Variants in GABRR2 observed in about 807,000 individuals in gnomAD.
The protein encoded by GABRR2 is gamma-aminobutyric acid receptor subunit rho-2.
In GABRR2, 36 loss-of-function variants were observed where a neutral mutation model predicts 47.0. The ratio of observed to expected loss-of-function variants is 0.77; its 90% CI spans 0.59 to 1.01. The LOEUF is 1.01. GABRR2 is among the 50% of genes least tolerant of loss of function. GABRR2 has a pLI of 0.00. For synonymous variants in GABRR2, 204 were observed against 227.5 expected (o/e 0.90, Z 0.93); for missense variants, 587 against 594.6 (o/e 0.99, Z 0.13).
chr6:89,292,772 T>TATATACG (rs1562379616), intron 2 of GABRR2, among the ~76,000 whole-genome samples: 3 of 42,966 alleles, frequency 7.0e-5, no homozygotes, highest in African/African-American at 5.7e-4. Flanking sequence ...CGATATATCG[T>TATATACG]ATATATCGTA....
chr6:89,271,816 T>A (rs1774060091), intron 2 of GABRR2, 94 bp from the exon 3 acceptor site: 1 of 958,094 alleles, frequency 1.0e-6, no homozygotes, highest in African/African-American at 1.6e-5. Context: ...GAGCCAGGAC[T>A]GGAGCAGAGT....
chr6:89,301,658 C>G (rs1767442349), intron 1 of GABRR2: 1 of 484,108 alleles, frequency 2.1e-6, no homozygotes, highest in African/African-American at 1.9e-5. Flanking sequence ...AGGAATACAG[C>G]TAACCAGGGA....
In GABRR2 at chr6:89,254,487, T is replaced by G. The variant is rs1438967289; in HGVS notation, c.*3183A>C. Among the ~76,000 whole-genome samples the G allele has an allele frequency of 6.6e-6, 1 of 152,232 alleles. No homozygotes were observed. The highest frequency in any genetic ancestry group is 2.4e-5 in the African/African-American group (1 of 41,448). The stretch of plus-strand genomic sequence containing the variant: ...AGTTTTTGTATAAAACCCATTTCTT[T>G]TATTGTAACATTAACATTTTTTCAC... On this transcript the variant is annotated 3_prime_UTR_variant, in exon 9 of 9. Transcript: ENST00000402938.
Position 89,254,853 on chromosome 6 carries a change from G to C in GABRR2, c.*2817C>G, listed in dbSNP as rs747802678. On this transcript the variant is annotated 3_prime_UTR_variant, in exon 9 of 9. Transcript: ENST00000402938. ...GTAATAAGGCAATGCTAAATACAAT[G>C]GTGTCATTGTATCATGGCCCTGCAT... Among the ~76,000 whole-genome samples, 2 of 151,986 alleles carry C rather than the reference G, an allele frequency of 1.3e-5. No individual in the cohort carries two copies. The highest frequency in any genetic ancestry group is 4.8e-5 in the African/African-American group (2 of 41,380).
chr6:89,284,814 C>T (rs773527994), intron 2 of GABRR2, among the ~76,000 whole-genome samples: 14 of 152,174 alleles, frequency 9.2e-5, no homozygotes, highest in Non-Finnish European at 2.1e-4. Context: ...TGTTATAAAA[C>T]TTAGAGGAAA....
intron 2 of GABRR2, 91 bp from the exon 3 acceptor site, chr6:89,271,813 G>A: frequency 1.0e-6 from 1 of 1,001,274 alleles, no homozygotes; most frequent in Non-Finnish European, 1.5e-6. Flanking sequence ...GGGGAGCCAG[G>A]ACTGGAGCAG....
intron 2 of GABRR2, among the ~76,000 whole-genome samples, chr6:89,273,202 G>C (rs1297759328): frequency 6.6e-6 from 1 of 152,050 alleles, no homozygotes; most frequent in Non-Finnish European, 1.5e-5. Context: ...CTAAGATCAG[G>C]GCCCATGAGA....
In GABRR2 at chr6:89,257,639, AT is replaced by A. The variant is rs752501975; in HGVS notation, c.*30del. 12 of 1,566,310 alleles carry A rather than the reference AT, an allele frequency of 7.7e-6. No homozygotes were observed. In the East Asian group the frequency reaches 2.3e-4, roughly 29 times the overall value. Reference sequence around the variant, plus strand: ...GACTGGCCAGGCCCCCTCGATGTCTATGCCCTCTTCTAGGAACAGCCTTGGA... The same window carrying A: ...GACTGGCCAGGCCCCCTCGATGTCTAGCCCTCTTCTAGGAACAGCCTTGGA... On this transcript the variant is annotated 3_prime_UTR_variant, in exon 9 of 9. Coordinates refer to ENST00000402938, the MANE Select transcript of GABRR2 (RefSeq NM_002043.5).
intron 1 of GABRR2, among the ~76,000 whole-genome samples, chr6:89,308,988 A>G (rs1277165714): frequency 1.3e-5 from 2 of 152,218 alleles, no homozygotes; most frequent in African/African-American, 4.8e-5. Context: ...GGTAAGGAAT[A>G]GAGAGCTATG....
At chr6:89,295,352 C>A (rs1427678032) in intron 2 of GABRR2, among the ~76,000 whole-genome samples, 20 of 152,252 alleles carry the variant, frequency 1.3e-4, no homozygotes, top group Non-Finnish European at 2.2e-4. Context: ...GTGAGATGGT[C>A]TCTCATTGTG....
chr6:89,306,120 T>C (rs543223404), intron 1 of GABRR2, among the ~76,000 whole-genome samples: 1 of 151,792 alleles, frequency 6.6e-6, no homozygotes, highest in Non-Finnish European at 1.5e-5. Context: ...CTCACATCTG[T>C]ATTCCTATCA....
At position 89,265,625 on chromosome 6, in the gene GABRR2, T is replaced by C; in HGVS notation, c.877A>G (p.Arg293Gly). The change falls in exon 7 of 9, where the codon AGA becomes GGA. Residue 293 changes from arginine to glycine, a missense_variant. Physicochemically the swap from Arg to Gly is moderately radical, Grantham distance 125. Coordinates refer to ENST00000402938, the MANE Select transcript of GABRR2 (RefSeq NM_002043.5). ...GAAATGCTTTTACCCAGTGAAACTC[T>C]GGCAGGCACAGCTCTGCGGTCGATC... Reference protein sequence around the residue: ...FWIDRRAVPARVSLGITTVLT... With the variant: ...FWIDRRAVPAGVSLGITTVLT... 6.2e-7 allele frequency: 1 copy of C among 1,613,556 alleles called. No homozygotes were observed.
At chr6:89,280,684 C>T (rs1010835369) in intron 2 of GABRR2, among the ~76,000 whole-genome samples, 6 of 152,162 alleles carry the variant, frequency 3.9e-5, no homozygotes, top group Admixed American at 2.0e-4. Flanking sequence ...TAGAGCATTC[C>T]AACCTGTGCC....
At chr6:89,303,257 C>T (rs1220601769) in intron 1 of GABRR2, 1 of 351,814 alleles carries the variant, frequency 2.8e-6, no homozygotes, top group South Asian at 2.3e-5. Context: ...CCTTGCCACC[C>T]TCCTGCAGTG....
intron 1 of GABRR2, among the ~76,000 whole-genome samples, chr6:89,303,608 C>CA (rs1233736387): frequency 6.1e-5 from 4 of 65,044 alleles, no homozygotes; most frequent in Non-Finnish European, 1.3e-4. Context: ...CATCTGGAAT[C>CA]AAAAAAAGAC....
At chr6:89,262,349 C>A (rs1773768535) in intron 8 of GABRR2, among the ~76,000 whole-genome samples, 1 of 152,158 alleles carries the variant, frequency 6.6e-6, no homozygotes, top group Admixed American at 6.5e-5. Context: ...GGACTACCTT[C>A]ATAAATATTC....
At chr6:89,296,181 C>A (rs1774550044) in intron 2 of GABRR2, among the ~76,000 whole-genome samples, 1 of 152,238 alleles carries the variant, frequency 6.6e-6, no homozygotes, top group African/African-American at 2.4e-5. Context: ...GAAATGGGGA[C>A]ACCCAGGAGC....
At chr6:89,285,436 G>A (rs528810676) in intron 2 of GABRR2, among the ~76,000 whole-genome samples, 100 of 152,274 alleles carry the variant, frequency 6.6e-4, no homozygotes, top group African/African-American at 2.3e-3. Context: ...GGTGAGGGCC[G>A]GCTCCTAAAC....
intron 1 of GABRR2, chr6:89,302,362 G>A (rs901604981): frequency 1.8e-6 from 1 of 566,800 alleles, no homozygotes; most frequent in Admixed American, 1.9e-5. Context: ...GGAGAATACA[G>A]ATGAGACCTA....
Sources: gnomAD v4.1 joint callset for allele counts (sites outside exome capture counted in the v4.1 genomes callset) on GRCh38, gnomAD v4.1.1 for gene constraint, MANE v1.5 for transcripts, NCBI Gene and HGNC (gene_info 2026-07-23, HGNC 2026-07-21) for gene names.